Variants in PTPRN2 observed in about 807,000 individuals in gnomAD.
PTPRN2 encodes receptor-type tyrosine-protein phosphatase N2.
PTPRN2 carries 74 observed loss-of-function variants against 118.8 expected under a neutral mutation model. The ratio of observed to expected loss-of-function variants is 0.62; its 90% CI spans 0.52 to 0.76. The LOEUF (loss-of-function observed/expected upper bound fraction) is 0.76, where lower values mean the gene tolerates loss of function less well. Among genes scored for constraint, PTPRN2 ranks in the 30% least tolerant of loss-of-function variants. The pLI is 0.00. For synonymous variants in PTPRN2, 641 were observed against 608.0 expected (o/e 1.05, Z -0.80); for missense variants, 1,481 against 1,394.4 (o/e 1.06, Z -0.99).
At chr7:158,282,561 T>C (rs1799497407) in intron 3 of PTPRN2, among the ~76,000 whole-genome samples, 2 of 152,348 alleles carry the variant, frequency 1.3e-5, no homozygotes, top group South Asian at 4.1e-4. Context: ...CTGCAGGGCA[T>C]GTTGAGTTCT....
chr7:158,485,004 C>T (rs184592249), intron 2 of PTPRN2, among the ~76,000 whole-genome samples: 27 of 152,188 alleles, frequency 1.8e-4, no homozygotes, highest in African/African-American at 5.1e-4. Flanking sequence ...CCCTCCCAGC[C>T]GCTGTTGCTG....
At chr7:157,899,214 G>C (rs1797302896) in intron 11 of PTPRN2, among the ~76,000 whole-genome samples, 1 of 152,178 alleles carries the variant, frequency 6.6e-6, no homozygotes, top group Non-Finnish European at 1.5e-5. Flanking sequence ...GCAGCCTCTT[G>C]TTCATGCCCT....
chr7:157,731,551 TTC>T (rs1346183153), intron 12 of PTPRN2, among the ~76,000 whole-genome samples: 1,676 of 83,358 alleles, frequency 0.02, 8 homozygotes, highest in Non-Finnish European at 0.036. Context: ...CAGTTACCCT[TTC>T]CCGTCCCATG....
chr7:158,586,535 G>C (rs1828934073), intron 1 of PTPRN2, among the ~76,000 whole-genome samples: 1 of 152,234 alleles, frequency 6.6e-6, no homozygotes. Context: ...TGGCCCCGAA[G>C]CCGCCTGGAA....
At chr7:158,317,416 C>T (rs532979352) in intron 2 of PTPRN2, among the ~76,000 whole-genome samples, 3 of 152,358 alleles carry the variant, frequency 2.0e-5, no homozygotes, top group South Asian at 4.1e-4. Flanking sequence ...CACGGCTTCC[C>T]GGGCTCCTTT....
chr7:158,125,180 C>T (rs191815943), intron 9 of PTPRN2, among the ~76,000 whole-genome samples: 73 of 150,860 alleles, frequency 4.8e-4, no homozygotes, highest in Middle Eastern at 7.1e-3. Flanking sequence ...CTCCCTGTCT[C>T]GAGTCCCTCC....
intron 11 of PTPRN2, among the ~76,000 whole-genome samples, chr7:157,937,527 G>A (rs1799790655): frequency 6.6e-6 from 1 of 152,354 alleles, no homozygotes; most frequent in Admixed American, 6.5e-5. Flanking sequence ...AAAGCCGTGT[G>A]CGGTGTGGCT....
At position 157,970,510 on chromosome 7, in the gene PTPRN2, AC is replaced by A. The variant is rs1178605373; in HGVS notation, c.1724-71774del. Among the ~76,000 whole-genome samples the A allele has an allele frequency of 1.1e-4, 17 of 152,324 alleles. No homozygotes were observed. In the East Asian group the frequency reaches 3.1e-3, roughly 28 times the overall value. On this transcript the variant is annotated intron_variant, in intron 11 of 22. Coordinates refer to ENST00000389418, the MANE Select transcript of PTPRN2 (RefSeq NM_002847.5). Reference sequence around the variant, plus strand: ...CAGGGAGTGAAGCTGTGCCAGAGCCACGCTGATGGCGTCCTCACCATTGGTG... The same window carrying A: ...CAGGGAGTGAAGCTGTGCCAGAGCCAGCTGATGGCGTCCTCACCATTGGTG...
At position 158,491,224 on chromosome 7, in the gene PTPRN2, C is replaced by T. The variant is rs533549213; in HGVS notation, c.113-1439G>A. On this transcript the variant is annotated intron_variant, in intron 1 of 22. Transcript: ENST00000389418. ...GGGAGTTCACAGGAGGAGGCAGCCTCGCTCGTCTCACAACAGCTTCACGAG... is the reference window on the plus strand; with the variant it reads ...GGGAGTTCACAGGAGGAGGCAGCCTTGCTCGTCTCACAACAGCTTCACGAG... 2.5e-3 allele frequency among the ~76,000 whole-genome samples: 380 copies of T among 152,344 alleles called. 6 individuals are homozygous for T. Among genetic ancestry groups the T allele is most frequent in the African/African-American group, 8.5e-3 (354 of 41,580 alleles).
At chr7:158,397,537 G>C (rs925153288) in intron 2 of PTPRN2, among the ~76,000 whole-genome samples, 1 of 152,196 alleles carries the variant, frequency 6.6e-6, no homozygotes, top group East Asian at 1.9e-4. Flanking sequence ...CAGAGAAATA[G>C]TGTGTCCTGC....
At position 158,338,080 on chromosome 7, in the gene PTPRN2, C is replaced by G. The variant is rs1225895477; in HGVS notation, c.164-21148G>C. ...GACACCTGCAGACGTCACACCCACA[C>G]TCTCACCATAAGAGGTGATGCCCGC... is the stretch of plus-strand genomic sequence containing the variant. On this transcript the variant is annotated intron_variant, in intron 2 of 22. Coordinates refer to ENST00000389418, the MANE Select transcript of PTPRN2 (RefSeq NM_002847.5). Among the ~76,000 whole-genome samples the G allele has an allele frequency of 2.6e-3, 22 of 8,346 alleles. 11 individuals carry two copies. Among genetic ancestry groups the G allele is most frequent in the Non-Finnish European group, 6.0e-3 (12 of 1,992 alleles). 5.5% of individuals were successfully genotyped at this position (8,346 alleles called of 152,430 possible). A position where few individuals can be genotyped will look rare whatever the true frequency, so the allele number is the denominator to read the frequency against.
Position 157,968,089 on chromosome 7 carries a change from C to T in PTPRN2, c.1724-69352G>A, listed in dbSNP as rs146839211. On this transcript the variant is annotated intron_variant, in intron 11 of 22. Coordinates refer to ENST00000389418, the MANE Select transcript of PTPRN2 (RefSeq NM_002847.5). ...ACCTAGCACTAGTAAATTACTACAG[C>T]GGAGGGCAGGGGAGGACCCACTACT... Among the ~76,000 whole-genome samples the T allele has an allele frequency of 9.7e-4, 147 of 152,132 alleles. 1 individual carries two copies. Among genetic ancestry groups the T allele is most frequent in the African/African-American group, 3.2e-3 (131 of 41,432 alleles).
intron 2 of PTPRN2, among the ~76,000 whole-genome samples, chr7:158,332,326 G>T (rs1298802834): frequency 2.1e-5 from 1 of 47,864 alleles, no homozygotes. Flanking sequence ...CTCACCATAA[G>T]AGCTGAGGCC....
chr7:158,334,127 C>T (rs1416362796), intron 2 of PTPRN2, among the ~76,000 whole-genome samples: 6 of 36,532 alleles, frequency 1.6e-4, no homozygotes, highest in African/African-American at 2.0e-4. Flanking sequence ...CACACCCACA[C>T]TCTCACCATA....
chr7:157,753,848 C>T (rs938041728), intron 12 of PTPRN2, among the ~76,000 whole-genome samples: 2 of 152,178 alleles, frequency 1.3e-5, no homozygotes, highest in African/African-American at 4.8e-5. Context: ...CGGTTCCTTG[C>T]CAGGCAAGAA....
At chr7:158,005,852 ACGTGT>A (rs1563321396) in intron 11 of PTPRN2, among the ~76,000 whole-genome samples, 1 of 152,220 alleles carries the variant, frequency 6.6e-6, no homozygotes, top group Non-Finnish European at 1.5e-5. Context: ...TCTAAAATGC[ACGTGT>A]GTGCAAATGC....
rs1825855192 is a variant in PTPRN2, at chr7:158,192,504, GCA to G, written c.381-11_381-10del. On this transcript the variant is annotated splice_polypyrimidine_tract_variant and intron_variant, in intron 4 of 22. Transcript: ENST00000389418. ...CGCTGTGTTTTGAGGGCCTGAAAAA[GCA>G]AAAGAAACCAGACATCAACCGCATG... is the stretch of plus-strand genomic sequence containing the variant. The G allele has an allele frequency of 6.4e-7, 1 of 1,573,622 alleles. No homozygotes were observed. The highest frequency in any genetic ancestry group is 1.4e-5 in the African/African-American group (1 of 71,952).
At chr7:158,151,875 A>T (rs1384189297) in intron 6 of PTPRN2, among the ~76,000 whole-genome samples, 2 of 152,244 alleles carry the variant, frequency 1.3e-5, no homozygotes, top group African/African-American at 2.4e-5. Context: ...CAGGAAACAA[A>T]TAAAAACCAT....
At chr7:157,788,771 C>A (rs1263793634) in intron 12 of PTPRN2, among the ~76,000 whole-genome samples, 1 of 151,886 alleles carries the variant, frequency 6.6e-6, no homozygotes, top group Non-Finnish European at 1.5e-5. Context: ...GCCACATCTC[C>A]GCCATAGGGG....
Sources: gnomAD v4.1 joint callset for allele counts (sites outside exome capture counted in the v4.1 genomes callset) on GRCh38, gnomAD v4.1.1 for gene constraint, MANE v1.5 for transcripts, NCBI Gene and HGNC (gene_info 2026-07-23, HGNC 2026-07-21) for gene names.